Variants in TRPM8 observed in about 807,000 individuals in gnomAD.
The protein encoded by TRPM8 is transient receptor potential cation channel subfamily M member 8.
TRPM8 carries 110 observed loss-of-function variants against 133.7 expected under a neutral mutation model. The ratio of observed to expected loss-of-function variants is 0.82; its 90% CI spans 0.70 to 0.96. The LOEUF is 0.96. Ranked by LOEUF, TRPM8 falls within the 40% of genes least tolerant of loss-of-function variation. The pLI is 0.00. For missense variants in TRPM8, 1,291 were observed against 1,379.5 expected (o/e 0.94, Z 1.02); for synonymous variants, 535 against 532.3 (o/e 1.01, Z -0.07).
chr2:233,921,681 T>TC (rs1180494931), intron 1 of TRPM8, among the ~76,000 whole-genome samples: 80 of 143,392 alleles, frequency 5.6e-4, no homozygotes, highest in African/African-American at 1.8e-3. Context: ...TCTTTTCTTT[T>TC]TTTTTTTTTT....
chr2:233,980,057 T>A (rs1381919486), intron 17 of TRPM8, 131 bp from the exon 18 acceptor site: 3 of 691,426 alleles, frequency 4.3e-6, no homozygotes, highest in Non-Finnish European at 7.6e-6. Context: ...TCACTTGGCA[T>A]ATGAAAGAAT....
chr2:233,923,068 A>C (rs1049703837), intron 1 of TRPM8, among the ~76,000 whole-genome samples: 4 of 151,866 alleles, frequency 2.6e-5, no homozygotes, highest in Non-Finnish European at 5.9e-5. Context: ...GATGGGTTTC[A>C]CTGTGTTAAC....
intron 9 of TRPM8, 195 bp from the exon 10 acceptor site, chr2:233,953,722 G>A: frequency 2.3e-6 from 1 of 438,008 alleles, no homozygotes; most frequent in Non-Finnish European, 4.1e-6. Context: ...TTTTGATAGG[G>A]GCTTTTTGAT....
intron 17 of TRPM8, among the ~76,000 whole-genome samples, chr2:233,972,244 G>C (rs566254331): frequency 1.3e-5 from 2 of 152,074 alleles, no homozygotes; most frequent in Non-Finnish European, 2.9e-5. Flanking sequence ...ACAGAGTGTC[G>C]ACTGGTGCAT....
chr2:233,992,987 C>T (rs1386429192), intron 21 of TRPM8, among the ~76,000 whole-genome samples: 3 of 152,112 alleles, frequency 2.0e-5, no homozygotes, highest in Admixed American at 2.0e-4. Context: ...TTAGGAGCCC[C>T]CCTCTGGAGA....
At chr2:233,953,772 A>T in intron 9 of TRPM8, 145 bp from the exon 10 acceptor site, 1 of 602,800 alleles carries the variant, frequency 1.7e-6, no homozygotes, top group Non-Finnish European at 3.0e-6. Context: ...GTAGTCAAGG[A>T]CTCATTGCAA....
At chr2:234,014,290 G>GT (rs1409053642) in intron 24 of TRPM8, among the ~76,000 whole-genome samples, 1 of 151,910 alleles carries the variant, frequency 6.6e-6, no homozygotes, top group Non-Finnish European at 1.5e-5. Flanking sequence ...TATTATTTCT[G>GT]TTTGGGAGCA....
chr2:234,000,901 C>T (rs1692545354), intron 22 of TRPM8, among the ~76,000 whole-genome samples: 1 of 152,204 alleles, frequency 6.6e-6, no homozygotes, highest in African/African-American at 2.4e-5. Flanking sequence ...TGGTCTCGAA[C>T]TCCTGGCTTC....
intron 2 of TRPM8, among the ~76,000 whole-genome samples, chr2:233,928,207 G>A (rs369521987): frequency 6.6e-6 from 1 of 151,826 alleles, no homozygotes; most frequent in Non-Finnish European, 1.5e-5. Flanking sequence ...CTGACCTCGT[G>A]AGCCGCCCAC....
chr2:233,938,928 G>C, intron 4 of TRPM8, 70 bp from the exon 5 acceptor site: 2 of 1,531,032 alleles, frequency 1.3e-6, no homozygotes, highest in South Asian at 1.2e-5. Context: ...TGGAAGTTGG[G>C]AGGGAATGCT....
intron 21 of TRPM8, among the ~76,000 whole-genome samples, chr2:233,995,930 G>T (rs1221475783): frequency 6.6e-6 from 1 of 152,006 alleles, no homozygotes; most frequent in Non-Finnish European, 1.5e-5. Context: ...TTCTCAGGCT[G>T]TTTACACTTA....
intron 1 of TRPM8, among the ~76,000 whole-genome samples, chr2:233,923,740 G>A (rs1288540069): frequency 6.6e-6 from 1 of 152,094 alleles, no homozygotes; most frequent in Non-Finnish European, 1.5e-5. Context: ...GTCGTGCCTG[G>A]GGAAGCACCT....
At chr2:233,987,356 T>A (rs186931434) in intron 21 of TRPM8, among the ~76,000 whole-genome samples, 1 of 152,346 alleles carries the variant, frequency 6.6e-6, no homozygotes, top group African/African-American at 2.4e-5. Flanking sequence ...AAATATATAC[T>A]TCTCTGGTTA....
intron 18 of TRPM8, among the ~76,000 whole-genome samples, chr2:233,980,789 C>A (rs1691987227): frequency 6.6e-6 from 1 of 152,208 alleles, no homozygotes; most frequent in African/African-American, 2.4e-5. Flanking sequence ...GAAAAACCAA[C>A]CACAAATTAC....
At chr2:234,003,626 G>C (rs1302568723) in intron 22 of TRPM8, among the ~76,000 whole-genome samples, 1 of 152,170 alleles carries the variant, frequency 6.6e-6, no homozygotes, top group Non-Finnish European at 1.5e-5. Flanking sequence ...TGTGCCTTCA[G>C]GTAACAGAAA....
rs1693037197 is a variant in TRPM8 at position 234,019,379 on chromosome 2, T to A, written c.*2123T>A. ...TCATTATTTTTAGTGTAGTTCACAA[T>A]AATGTATTGAACATACTTCTAATCA... is the stretch of plus-strand genomic sequence containing the variant. On this transcript the variant is annotated 3_prime_UTR_variant, in exon 26 of 26. Transcript: ENST00000324695. 6.6e-6 allele frequency: 1 copy of A among 152,238 alleles called. No individual in the cohort carries two copies. The highest frequency in any genetic ancestry group is 1.5e-5 in the Non-Finnish European group (1 of 68,052). The allele number at this position is 152,238 out of a possible 1,614,324, so 9.4% of individuals were successfully genotyped here.
At chr2:233,936,891 CTTTTTTT>C (rs5839499) in intron 3 of TRPM8, among the ~76,000 whole-genome samples, 6 of 101,324 alleles carry the variant, frequency 5.9e-5, no homozygotes, top group South Asian at 3.3e-4. Context: ...TCTTTCTTTC[CTTTTTTT>C]TTTTTTTTTT....
chr2:233,966,614 G>A lies in TRPM8; in HGVS notation c.1884G>A (p.Leu628=), dbSNP rs144284036. 8.7e-6 allele frequency: 14 copies of A among 1,613,996 alleles called. No individual in the cohort carries two copies. The highest frequency in any genetic ancestry group is 4.0e-5 in the African/African-American group (3 of 74,934). ...ANEYETRAVE[L]FTECYSSDED... is the part of the protein sequence containing the mutation. Reference sequence around the variant, plus strand: ...TCTGTGCTGATGTCGCTGTAGAGCTGTTCACTGAGTGTTACAGCAGCGATG... The same window carrying A: ...TCTGTGCTGATGTCGCTGTAGAGCTATTCACTGAGTGTTACAGCAGCGATG... Residue 628 remains leucine, a synonymous_variant, in exon 15 of 26, where the codon CTG becomes CTA. Transcript: ENST00000324695.
intron 17 of TRPM8, among the ~76,000 whole-genome samples, chr2:233,978,988 C>T (rs1392147552): frequency 6.6e-6 from 1 of 152,170 alleles, no homozygotes; most frequent in Non-Finnish European, 1.5e-5. Context: ...TCTGAAGAAG[C>T]AGAGTGATGT....
Sources: allele counts gnomAD v4.1 joint callset (sites outside exome capture counted in the v4.1 genomes callset), GRCh38; gene constraint gnomAD v4.1.1; transcripts MANE v1.5; gene names NCBI Gene and HGNC (gene_info 2026-07-23, HGNC 2026-07-21).